Variants in PTPN22 observed in about 807,000 individuals in gnomAD.
PTPN22 encodes the protein tyrosine-protein phosphatase non-receptor type 22.
A neutral mutation model predicts 103.3 loss-of-function variants in PTPN22; 85 were observed. That is an observed-to-expected ratio of 0.82 (90% CI 0.69 to 0.99). The LOEUF is 0.99. PTPN22 is among the 50% of genes least tolerant of loss of function. PTPN22 has a pLI of 0.00. For missense variants in PTPN22, 865 were observed against 936.9 expected, an observed-to-expected ratio of 0.92 and a Z score of 1.00; for synonymous variants, 323 against 310.2, an observed-to-expected ratio of 1.04 and a Z score of -0.43.
intron 10 of PTPN22, among the ~76,000 whole-genome samples, chr1:113,849,106 G>A (rs138823791): frequency 1.1e-4 from 16 of 152,144 alleles, no homozygotes; most frequent in Admixed American, 1.0e-3. Context: ...CTATAAAGTA[G>A]ATAAGCTATT....
chr1:113,855,408 T>C (rs1215917595), intron 7 of PTPN22, among the ~76,000 whole-genome samples: 2 of 148,036 alleles, frequency 1.4e-5, no homozygotes, highest in South Asian at 2.1e-4. Context: ...GGCACAAGAG[T>C]TGCTTGGACC....
chr1:113,866,950 T>C (rs1666172676), intron 1 of PTPN22, among the ~76,000 whole-genome samples: 1 of 152,148 alleles, frequency 6.6e-6, no homozygotes, highest in Non-Finnish European at 1.5e-5. Flanking sequence ...TTTCATCATG[T>C]TGCCCAGGCT....
At chr1:113,847,212 A>G (rs1161082849) in intron 11 of PTPN22, among the ~76,000 whole-genome samples, 2 of 87,578 alleles carry the variant, frequency 2.3e-5, no homozygotes, top group Admixed American at 1.9e-4. Flanking sequence ...GGTTCTCTTT[A>G]TATCTTGTTT....
At chr1:113,816,424 G>GA (rs71590579) in intron 20 of PTPN22, among the ~76,000 whole-genome samples, 30,775 of 125,508 alleles carry the variant, frequency 0.25, 4,091 homozygotes, top group South Asian at 0.41. Flanking sequence ...CTGCAGAGGG[G>GA]AAAAAAAAAA....
In PTPN22 at chr1:113,833,110, C is replaced by T. The variant is rs1449318262; in HGVS notation, c.2053+1G>A. 3.8e-6 allele frequency: 6 copies of T among 1,565,546 alleles called. No individual in the cohort carries two copies. Among genetic ancestry groups the T allele is most frequent in the Non-Finnish European group, 5.3e-6 (6 of 1,140,456 alleles). On this transcript the variant is annotated splice_donor_variant, in intron 16 of 20. Coordinates refer to ENST00000359785, the Ensembl canonical transcript of PTPN22. LOFTEE classifies it high-confidence loss of function. Reference sequence around the variant, plus strand: ...CATCTAAAGCCAAGAGAAATTTTTACCTGATTTAGGACTTCGGAGTTTTAC... The same window carrying T: ...CATCTAAAGCCAAGAGAAATTTTTATCTGATTTAGGACTTCGGAGTTTTAC...
Position 113,863,922 on chromosome 1 carries a change from TATATA to T in PTPN22, c.88-4467_88-4463del, listed in dbSNP as rs377034219. Among the ~76,000 whole-genome samples the T allele has an allele frequency of 1.3e-3, 173 of 135,742 alleles. 1 individual carries two copies. The highest frequency in any genetic ancestry group is 3.9e-3 in the African/African-American group (142 of 36,638). The allele number at this position is 135,742 out of a possible 152,430, so 89.1% of individuals were successfully genotyped here. On this transcript the variant is annotated intron_variant, in intron 1 of 20. Transcript: ENST00000359785. ...TATTTAATAAATATATATATATATA[TATATA>T]TTTTTTTTTGACATGGGATCTCACT... is the stretch of plus-strand genomic sequence containing the variant.
intron 19 of PTPN22, among the ~76,000 whole-genome samples, chr1:113,822,746 G>C (rs1661717604): frequency 6.6e-6 from 1 of 152,150 alleles, no homozygotes; most frequent in Non-Finnish European, 1.5e-5. Context: ...TGGATCATAA[G>C]GTCAGGAGAT....
intron 19 of PTPN22, 141 bp downstream of exon 19, chr1:113,825,001 G>A (rs994434956): frequency 5.9e-6 from 3 of 510,268 alleles, no homozygotes; most frequent in Admixed American, 8.1e-5. Flanking sequence ...AGGCCTATGG[G>A]TGATTGTTCT....
At chr1:113,871,601 T>A (rs1571500128) in exon 1 of PTPN22, 3 of 1,614,076 alleles carry the variant, frequency 1.9e-6, no homozygotes, top group African/African-American at 1.3e-5. Flanking sequence ...CAGGAACTTC[T>A]GCAGAATTTC....
Position 113,852,122 on chromosome 1 carries a change from A to G in PTPN22, c.751-18T>C, listed in dbSNP as rs778943617. ...GGAATTATCTATCAAATTAAAGGGGAAAATATTCCTTTCAATATTTTGTTA... is the reference window on the plus strand; with the variant it reads ...GGAATTATCTATCAAATTAAAGGGGGAAATATTCCTTTCAATATTTTGTTA... On this transcript the variant is annotated intron_variant, in intron 9 of 20. Transcript: ENST00000359785. 1 of 1,551,792 alleles carries G rather than the reference A, an allele frequency of 6.4e-7. No homozygotes were observed. The highest frequency in any genetic ancestry group is 8.9e-7 in the Non-Finnish European group (1 of 1,125,458).
intron 11 of PTPN22, among the ~76,000 whole-genome samples, chr1:113,843,386 T>C (rs1663778894): frequency 6.6e-6 from 1 of 152,046 alleles, no homozygotes; most frequent in South Asian, 2.1e-4. Flanking sequence ...CGTTACAACA[T>C]GGATGAACCT....
rs1408836487 is a variant in PTPN22, at chr1:113,870,289, T to C, written c.87+1248A>G. On this transcript the variant is annotated intron_variant, in intron 1 of 20. Transcript: ENST00000359785. Reference sequence around the variant, plus strand: ...ATTTAAGAACATGTCAAATACTTCATAATTTGGTGAAAAAAAATCATGATT... The same window carrying C: ...ATTTAAGAACATGTCAAATACTTCACAATTTGGTGAAAAAAAATCATGATT... 2.6e-5 allele frequency among the ~76,000 whole-genome samples: 4 copies of C among 152,152 alleles called. No individual in the cohort carries two copies. The East Asian group carries it at 5.8e-4, about 22-fold the overall frequency.
chr1:113,854,598 C>T, intron 8 of PTPN22, 61 bp from the exon 9 acceptor site: 2 of 1,495,252 alleles, frequency 1.3e-6, no homozygotes, highest in Non-Finnish European at 1.9e-6. Flanking sequence ...GGACCATTGA[C>T]AGTAGCTGGA....
At chr1:113,849,292 G>C (rs1395699213) in intron 10 of PTPN22, among the ~76,000 whole-genome samples, 1 of 152,078 alleles carries the variant, frequency 6.6e-6, no homozygotes, top group Non-Finnish European at 1.5e-5. Context: ...TGAAATTTGT[G>C]GTTACAAAAG....
chr1:113,853,371 G>GAGA (rs1410061651), intron 9 of PTPN22, among the ~76,000 whole-genome samples: 575 of 39,834 alleles, frequency 0.014, 1 homozygote, highest in African/African-American at 0.047. Flanking sequence ...TTTTTTTTTT[G>GAGA]AGGACTTTCA....
At chr1:113,854,844 A>G in intron 8 of PTPN22, 63 bp downstream of exon 8, 1 of 1,515,668 alleles carries the variant, frequency 6.6e-7, no homozygotes, top group Admixed American at 2.0e-5. Context: ...TCAATTACAC[A>G]GTCCTGGCCA....
intron 1 of PTPN22, among the ~76,000 whole-genome samples, chr1:113,862,105 C>G (rs915348326): frequency 6.6e-6 from 1 of 151,760 alleles, no homozygotes; most frequent in Non-Finnish European, 1.5e-5. Flanking sequence ...ATAGTGAAAC[C>G]CCGTCTCTAC....
At chr1:113,829,975 T>A in exon 17 of PTPN22, 1 of 1,607,036 alleles carries the variant, frequency 6.2e-7, no homozygotes. Flanking sequence ...AAAGAAGGAC[T>A]CTAGAGTTCT....
chr1:113,853,770 C>T (rs1664786991), intron 9 of PTPN22, among the ~76,000 whole-genome samples: 1 of 151,874 alleles, frequency 6.6e-6, no homozygotes, highest in Non-Finnish European at 1.5e-5. Flanking sequence ...CAACCTCCGC[C>T]TCCCGGGTTC....
Sources: gnomAD v4.1 joint callset for allele counts (sites outside exome capture counted in the v4.1 genomes callset) on GRCh38, gnomAD v4.1.1 for gene constraint, MANE v1.5 for transcripts, NCBI Gene and HGNC (gene_info 2026-07-23, HGNC 2026-07-21) for gene names.